Variants in PCDHGA1 observed in about 807,000 individuals in gnomAD.
PCDHGA1 encodes protocadherin gamma-A1.
A neutral mutation model predicts 58.0 loss-of-function variants in PCDHGA1; 32 were observed. That is an observed-to-expected ratio of 0.55 (90% confidence interval 0.42 to 0.74). The LOEUF (loss-of-function observed/expected upper bound fraction) is 0.74, where lower values mean the gene tolerates loss of function less well. Among genes scored for constraint, PCDHGA1 ranks in the 30% least tolerant of loss-of-function variants. PCDHGA1 has a pLI of 0.00. For missense variants in PCDHGA1, 1,205 were observed against 1,182.3 expected (o/e 1.02, Z -0.28); for synonymous variants, 498 against 501.1 (o/e 0.99, Z 0.08).
intron 1 of PCDHGA1, chr5:141,403,058 C>T (rs1264463559): frequency 1.9e-6 from 3 of 1,613,942 alleles, no homozygotes; most frequent in African/African-American, 2.7e-5. Context: ...CTACTCAGTG[C>T]CTGAAGAGAC....
Position 141,372,655 on chromosome 5 carries a change from C to T in PCDHGA1, c.2421+39550C>T, listed in dbSNP as rs1424749894. 2.5e-6 allele frequency: 4 copies of T among 1,613,986 alleles called. No homozygotes were observed. The South Asian group carries it at 3.3e-5, about 13-fold the overall frequency. ...AGGACTTTGCCTTATTCCTACAATC[C>T]GTGTGCTGCCTCACATTCCTCAAAC... On this transcript the variant is annotated intron_variant, in intron 1 of 3. Coordinates refer to ENST00000517417, the MANE Select transcript of PCDHGA1 (RefSeq NM_018912.3).
intron 1 of PCDHGA1, chr5:141,398,688 T>C: frequency 1.2e-6 from 2 of 1,613,938 alleles, no homozygotes; most frequent in South Asian, 2.2e-5. Flanking sequence ...AGAAACAGGA[T>C]GGTAGTAAAT....
rs567522277 is a variant in PCDHGA1, at chr5:141,485,131, A to G, written c.2422-9676A>G. 1.3e-6 allele frequency: 2 copies of G among 1,482,660 alleles called. No individual in the cohort carries two copies. The highest frequency in any genetic ancestry group is 1.2e-5 in the South Asian group (1 of 83,730). 91.8% of individuals were successfully genotyped at this position (1,482,660 alleles called of 1,614,324 possible). ...TGGCTGTTTGGGGCGGGTCGGCTTC[A>G]TCCGCGTCTCAGGAGCAAGTAGAGA... On this transcript the variant is annotated intron_variant, in intron 1 of 3. Transcript: ENST00000517417. The surrounding 1 kb of genome is among the most constrained non-coding windows in gnomAD (Gnocchi z 5.7).
chr5:141,451,165 A>G (rs2098709571), intron 1 of PCDHGA1, among the ~76,000 whole-genome samples: 1 of 152,116 alleles, frequency 6.6e-6, no homozygotes, highest in Admixed American at 6.6e-5. Context: ...TTTTGGTAGT[A>G]TATTATTTAG....
intron 1 of PCDHGA1, chr5:141,346,614 A>T: frequency 1.8e-6 from 2 of 1,109,334 alleles, no homozygotes; most frequent in Non-Finnish European, 1.3e-6. Flanking sequence ...CTATAGTAGG[A>T]CTGCACTCCC....
chr5:141,361,631 G>C (rs534427524), intron 1 of PCDHGA1: 1 of 1,613,902 alleles, frequency 6.2e-7, no homozygotes, highest in Admixed American at 1.7e-5. Flanking sequence ...CTGAAGCCGC[G>C]GGAGATTTTA....
At chr5:141,496,581 C>T (rs868326584) in intron 2 of PCDHGA1, among the ~76,000 whole-genome samples, 9 of 152,134 alleles carry the variant, frequency 5.9e-5, no homozygotes, top group African/African-American at 1.9e-4. Flanking sequence ...ATTTTAGGAA[C>T]GCAAAGCGCT....
chr5:141,357,623 T>C, intron 1 of PCDHGA1: 2 of 1,613,680 alleles, frequency 1.2e-6, no homozygotes, highest in Non-Finnish European at 1.7e-6. Context: ...AATCTTCAGG[T>C]GAGTCAATCT....
chr5:141,356,626 G>A (rs1298780239), intron 1 of PCDHGA1: 1 of 1,614,166 alleles, frequency 6.2e-7, no homozygotes. Flanking sequence ...ATCTATGACT[G>A]CTCAAGACCC....
intron 1 of PCDHGA1, among the ~76,000 whole-genome samples, chr5:141,469,004 C>T (rs570896326): frequency 3.3e-5 from 5 of 151,802 alleles, no homozygotes; most frequent in Admixed American, 2.0e-4. Flanking sequence ...TTGCTGGGTG[C>T]GGTGGGTCAC....
Position 141,431,199 on chromosome 5 carries a change from C to T in PCDHGA1, c.2422-63608C>T. 1 of 1,614,194 alleles carries T rather than the reference C, an allele frequency of 6.2e-7. No homozygotes were observed. Among genetic ancestry groups the T allele is most frequent in the East Asian group, 2.2e-5 (1 of 44,890 alleles). ...GAAATAAAAATTAGTGAAAATGCAG[C>T]CACTGAGATGCGGTTCCCTCTACCC... On this transcript the variant is annotated intron_variant, in intron 1 of 3. Transcript: ENST00000517417. This position sits in a 1 kb window ranked among gnomAD's most constrained non-coding sequence, Gnocchi z 4.8.
At chr5:141,395,076 C>A (rs1384743817) in intron 1 of PCDHGA1, 1 of 1,614,142 alleles carries the variant, frequency 6.2e-7, no homozygotes, top group Admixed American at 1.7e-5. Context: ...GACCTATTCC[C>A]AGGAAGTCTC....
In PCDHGA1 at chr5:141,407,982, G is replaced by C. The variant is rs976187867; in HGVS notation, c.2421+74877G>C. On this transcript the variant is annotated intron_variant, in intron 1 of 3. Coordinates refer to ENST00000517417, the MANE Select transcript of PCDHGA1 (RefSeq NM_018912.3). Reference sequence around the variant, plus strand: ...GAGCAAGCGCTGACGCCGGGGATCCGTCAGCCTCTGGCCTGGGATTCCCTG... The same window carrying C: ...GAGCAAGCGCTGACGCCGGGGATCCCTCAGCCTCTGGCCTGGGATTCCCTG... 1.5e-4 allele frequency: 114 copies of C among 783,006 alleles called. 1 individual carries two copies. Among genetic ancestry groups the C allele is most frequent in the African/African-American group, 9.1e-4 (52 of 57,436 alleles). The allele number at this position is 783,006 out of a possible 1,614,324, so 48.5% of individuals were successfully genotyped here.
At chr5:141,383,001 C>T (rs766067848) in intron 1 of PCDHGA1, 1 of 1,613,756 alleles carries the variant, frequency 6.2e-7, no homozygotes, top group South Asian at 1.1e-5. Flanking sequence ...TTCTCTACTC[C>T]GTGTCGGAGG....
At chr5:141,428,136 G>A in intron 1 of PCDHGA1, 2 of 1,600,778 alleles carry the variant, frequency 1.2e-6, no homozygotes, top group South Asian at 1.1e-5. Flanking sequence ...TTTCAGCCTG[G>A]GGCTGCACAC....
chr5:141,377,889 C>T (rs914946378), intron 1 of PCDHGA1: 1 of 152,056 alleles, frequency 6.6e-6, no homozygotes, highest in Non-Finnish European at 1.5e-5. Flanking sequence ...AGATAGGATC[C>T]CCCTCTGTTG....
intron 1 of PCDHGA1, chr5:141,362,058 C>G: frequency 6.2e-7 from 1 of 1,612,152 alleles, no homozygotes. Context: ...CCCGCCAGCG[C>G]CTGCTGGTCG....
Position 141,477,914 on chromosome 5 carries a change from G to T in PCDHGA1, c.2422-16893G>T. On this transcript the variant is annotated intron_variant, in intron 1 of 3. Coordinates refer to ENST00000517417, the MANE Select transcript of PCDHGA1 (RefSeq NM_018912.3). The surrounding 1 kb of genome is among the most constrained non-coding windows in gnomAD (Gnocchi z 4.9). ...ACGGGTGGTAGGCTGGGACGCGGAT[G>T]CAGGGCACAATGCCTGGCTCTCCTA... 2 of 1,614,204 alleles carry T rather than the reference G, an allele frequency of 1.2e-6. No homozygotes were observed. The highest frequency in any genetic ancestry group is 1.7e-6 in the Non-Finnish European group (2 of 1,180,044).
At chr5:141,381,830 T>C (rs796824162) in intron 1 of PCDHGA1, among the ~76,000 whole-genome samples, 3 of 133,454 alleles carry the variant, frequency 2.2e-5, no homozygotes, top group African/African-American at 9.3e-5. Flanking sequence ...CTTCTTCTTT[T>C]TTTTTTTTTT....
Sources: gnomAD v4.1 joint callset for allele counts (sites outside exome capture counted in the v4.1 genomes callset) on GRCh38, gnomAD v4.1.1 for gene constraint, Gnocchi (gnomAD v3.1) non-coding constraint, MANE v1.5 for transcripts, NCBI Gene and HGNC (gene_info 2026-07-23, HGNC 2026-07-21) for gene names.